TMEM61: variants seen among roughly 807,000 people sequenced by gnomAD.
TMEM61 encodes transmembrane protein 61.
A neutral mutation model predicts 12.0 loss-of-function variants in TMEM61; 13 were observed. The ratio of observed to expected loss-of-function variants is 1.08; its 90% CI spans 0.70 to 1.72. The LOEUF is 1.72. Among genes scored for constraint, TMEM61 ranks in the 40% most tolerant of loss-of-function variants. The pLI, the probability that TMEM61 is intolerant of heterozygous loss-of-function variation, is 0.00. For missense variants in TMEM61, 249 were observed against 276.9 expected (o/e 0.90, Z 0.71); for synonymous variants, 109 against 121.4 (o/e 0.90, Z 0.67).
At position 54,983,109 on chromosome 1, in the gene TMEM61, G is replaced by GTTTTTTTTTTTTT. The variant is rs780127208; in HGVS notation, c.15+2041_15+2042insTTTTTTTTTTTTT. ...TTAGTGGTGATTTGTGTTTTGCTTT[G>GTTTTTTTTTTTTT]TTTTTTTTTTTTGTTTTTTTTTGAG... On this transcript the variant is annotated intron_variant, in intron 1 of 2. Coordinates refer to ENST00000371268, the MANE Select transcript of TMEM61 (RefSeq NM_182532.3). 5.7e-3 allele frequency among the ~76,000 whole-genome samples: 626 copies of GTTTTTTTTTTTTT among 109,510 alleles called. 100 individuals are homozygous for GTTTTTTTTTTTTT. The highest frequency in any genetic ancestry group is 9.0e-3 in the Non-Finnish European group (491 of 54,390). 71.8% of individuals were successfully genotyped at this position (109,510 alleles called of 152,430 possible).
intron 2 of TMEM61, among the ~76,000 whole-genome samples, chr1:54,991,174 G>T (rs1644295531): frequency 6.6e-6 from 1 of 152,190 alleles, no homozygotes; most frequent in African/African-American, 2.4e-5. Flanking sequence ...TCAGGGTCTG[G>T]CCTGCAGAAC....
chr1:54,981,080 G>T lies in TMEM61; in HGVS notation c.15G>T (p.Gln5His). The T allele has an allele frequency of 6.3e-7, 1 of 1,588,078 alleles. No homozygotes were observed. The highest frequency in any genetic ancestry group is 2.3e-5 in the East Asian group (1 of 43,582). ...CCCGCCTCCCGATGGCCCTGCCCCA[G>T]GTGGGTGGAAACGGCCTTCTCCCTC... is the stretch of plus-strand genomic sequence containing the variant. MALP[Q>H]MCDGSHLAST... The change falls in exon 1 of 3, where the codon CAG (glutamine) becomes CAT (histidine). Residue 5 changes from glutamine (Q) to histidine (H), a missense_variant and splice_region_variant. Coordinates refer to ENST00000371268, the MANE Select transcript of TMEM61 (RefSeq NM_182532.3).
chr1:54,987,384 A>G (rs561554246), intron 2 of TMEM61, among the ~76,000 whole-genome samples: 7 of 152,100 alleles, frequency 4.6e-5, no homozygotes, highest in Admixed American at 1.3e-4. Flanking sequence ...TTTTATTTTC[A>G]TTATGGGTCT....
intron 1 of TMEM61, among the ~76,000 whole-genome samples, chr1:54,984,986 G>C (rs1197019323): frequency 6.6e-6 from 1 of 152,106 alleles, no homozygotes; most frequent in Non-Finnish European, 1.5e-5. Context: ...ATTTAATTGA[G>C]ACAACACTGT....
intron 2 of TMEM61, among the ~76,000 whole-genome samples, chr1:54,988,993 C>T (rs926497807): frequency 6.6e-6 from 1 of 152,200 alleles, no homozygotes; most frequent in Non-Finnish European, 1.5e-5. Context: ...TCCCTATCAT[C>T]GCTGTCAGGC....
rs1322807923 is a variant in TMEM61, at chr1:54,980,885, C to A, written c.-181C>A. The stretch of plus-strand genomic sequence containing the variant: ...GCCCAGGAGCCAGACCTCGGTTTTG[C>A]GGGCTGGGGAGCAGGGCTCGGGGGC... On this transcript the variant is annotated 5_prime_UTR_variant, in exon 1 of 3. Coordinates refer to ENST00000371268, the MANE Select transcript of TMEM61 (RefSeq NM_182532.3). The A allele has an allele frequency of 9.0e-6, 5 of 556,660 alleles. No homozygotes were observed. Among genetic ancestry groups the A allele is most frequent in the Non-Finnish European group, 1.4e-5 (5 of 348,250 alleles). The allele number at this position is 556,660 out of a possible 1,614,324, so 34.5% of individuals were successfully genotyped here. A position where few individuals can be genotyped will look rare whatever the true frequency, so the allele number is the denominator to read the frequency against.
intron 1 of TMEM61, among the ~76,000 whole-genome samples, chr1:54,983,988 A>T (rs1644241733): frequency 6.6e-6 from 1 of 152,160 alleles, no homozygotes; most frequent in Non-Finnish European, 1.5e-5. Flanking sequence ...AGGGGTGCAG[A>T]AAGATTGAGG....
chr1:54,982,329 G>A (rs1644228515), intron 1 of TMEM61, among the ~76,000 whole-genome samples: 1 of 152,176 alleles, frequency 6.6e-6, no homozygotes, highest in African/African-American at 2.4e-5. Context: ...CCAGGTGGAA[G>A]GAGCACAGGT....
intron 2 of TMEM61, among the ~76,000 whole-genome samples, chr1:54,989,144 G>A (rs1280821514): frequency 6.6e-6 from 1 of 152,216 alleles, no homozygotes; most frequent in African/African-American, 2.4e-5. Flanking sequence ...GTAAGTGTAA[G>A]GATTAGGCCC....
At position 54,980,735 on chromosome 1, in the gene TMEM61, C is replaced by A. The variant is rs1165446358; in HGVS notation, c.-331C>A. 7.2e-6 allele frequency: 2 copies of A among 279,684 alleles called. No homozygotes were observed. The highest frequency in any genetic ancestry group is 1.1e-4 in the Admixed American group (2 of 18,712). The allele number at this position is 279,684 out of a possible 1,614,324, so 17.3% of individuals were successfully genotyped here. On this transcript the variant is annotated 5_prime_UTR_variant, in exon 1 of 3. Transcript: ENST00000371268. ...GTCCCGCGCTCCCCTGGGCGCCCCA[C>A]GGCAGCCTCAGAGCCCCGCGGGGAG... is the stretch of plus-strand genomic sequence containing the variant.
Position 54,991,949 on chromosome 1 carries a change from G to T in TMEM61, c.479G>T (p.Gly160Val). Residue 160 changes from glycine to valine, a missense_variant, in exon 3 of 3, where the codon GGA becomes GTA. Transcript: ENST00000371268. ...ACGGAGGAAGCCCTGGAGCCAAGTG[G>T]ATCGAGGGATGCCCTGCTCAGCACC... ...YPTEEALEPSGSRDALLSTQP... is the reference protein window; with the variant it reads ...YPTEEALEPSVSRDALLSTQP... 1 of 1,614,178 alleles carries T rather than the reference G, an allele frequency of 6.2e-7. No homozygotes were observed. The highest frequency in any genetic ancestry group is 2.2e-5 in the East Asian group (1 of 44,876).
intron 2 of TMEM61, among the ~76,000 whole-genome samples, chr1:54,989,525 C>T (rs1250471215): frequency 6.6e-6 from 1 of 152,240 alleles, no homozygotes; most frequent in Non-Finnish European, 1.5e-5. Context: ...TGCGGGGAGA[C>T]CACTGTGGCA....
intron 2 of TMEM61, among the ~76,000 whole-genome samples, chr1:54,990,394 G>A (rs1557477285): frequency 6.6e-6 from 1 of 152,184 alleles, no homozygotes; most frequent in Admixed American, 6.5e-5. Flanking sequence ...TGAGGCTGCA[G>A]TGGGCCGAGA....
At chr1:54,983,349 C>T (rs1305135062) in intron 1 of TMEM61, among the ~76,000 whole-genome samples, 1 of 152,010 alleles carries the variant, frequency 6.6e-6, no homozygotes, top group Non-Finnish European at 1.5e-5. Flanking sequence ...TCTCAAACTC[C>T]TGACCTCAGG....
In TMEM61 at chr1:54,992,224, A is replaced by G. The variant is rs1644305459; in HGVS notation, c.*121A>G. On this transcript the variant is annotated 3_prime_UTR_variant, in exon 3 of 3. Coordinates refer to ENST00000371268, the MANE Select transcript of TMEM61 (RefSeq NM_182532.3). ...TTCGTTGTTGAAGGCTGTTCTATTT[A>G]TCTATTGCTGTATAACAAACCACCC... 8.1e-7 allele frequency: 1 copy of G among 1,234,490 alleles called. No individual in the cohort carries two copies. The highest frequency in any genetic ancestry group is 1.1e-6 in the Non-Finnish European group (1 of 892,534). The allele number at this position is 1,234,490 out of a possible 1,614,324, so 76.5% of individuals were successfully genotyped here.
In TMEM61 at chr1:54,991,970, G is replaced by A; in HGVS notation, c.500G>A (p.Ser167Asn). The change falls in exon 3 of 3, where the codon AGC becomes AAC. Residue 167 changes from serine to asparagine, a missense_variant. Coordinates refer to ENST00000371268, the MANE Select transcript of TMEM61 (RefSeq NM_182532.3). The part of the protein sequence containing the change: ...EPSGSRDALL[S>N]TQPAWPPPSY... ...AGTGGATCGAGGGATGCCCTGCTCA[G>A]CACCCAGCCCGCCTGGCCTCCACCC... 1 of 1,614,182 alleles carries A rather than the reference G, an allele frequency of 6.2e-7. No homozygotes were observed.
At chr1:54,987,507 C>G (rs1333791289) in intron 2 of TMEM61, among the ~76,000 whole-genome samples, 1 of 152,030 alleles carries the variant, frequency 6.6e-6, no homozygotes, top group Non-Finnish European at 1.5e-5. Context: ...ATATGTATAT[C>G]TGTGCTTTAT....
At chr1:54,981,165 C>A in intron 1 of TMEM61, 85 bp downstream of exon 1, 1 of 1,472,376 alleles carries the variant, frequency 6.8e-7, no homozygotes, top group Non-Finnish European at 9.2e-7. Flanking sequence ...CCCCTAACCT[C>A]GGTCACCGTG....
rs187968844 is a variant in TMEM61, at chr1:54,990,238, G to A, written c.366-1598G>A. ...ACTGGACAGGGAGTTCCATGTTTGG[G>A]ACTCCTGGCTGGTGTCCCAGGGATT... On this transcript the variant is annotated intron_variant, in intron 2 of 2. Coordinates refer to ENST00000371268, the MANE Select transcript of TMEM61 (RefSeq NM_182532.3). Among the ~76,000 whole-genome samples, 660 of 152,040 alleles carry A rather than the reference G, an allele frequency of 4.3e-3. 3 individuals carry two copies. Among genetic ancestry groups the A allele is most frequent in the Middle Eastern group, 0.01 (3 of 292 alleles).
Sources: allele counts gnomAD v4.1 joint callset (sites outside exome capture counted in the v4.1 genomes callset), GRCh38; gene constraint gnomAD v4.1.1; transcripts MANE v1.5; gene names NCBI Gene and HGNC (gene_info 2026-07-23, HGNC 2026-07-21).